ASB3: variants seen among roughly 807,000 people sequenced by gnomAD.
ASB3 encodes the protein ankyrin repeat and SOCS box protein 3.
A neutral mutation model predicts 54.5 loss-of-function variants in ASB3; 41 were observed. That is an observed-to-expected ratio of 0.75 (90% CI 0.59 to 0.98). The LOEUF is 0.98. Among genes scored for constraint, ASB3 ranks in the 50% least tolerant of loss-of-function variants. The pLI, the probability that ASB3 is intolerant of heterozygous loss-of-function variation, is 0.00. For missense variants in ASB3, 733 were observed against 620.0 expected (o/e 1.18, Z -1.94); for synonymous variants, 266 against 221.2 (o/e 1.20, Z -1.80).
intron 2 of ASB3, among the ~76,000 whole-genome samples, chr2:53,755,566 C>T (rs1020297504): frequency 6.6e-6 from 1 of 152,140 alleles, no homozygotes; most frequent in African/African-American, 2.4e-5. Context: ...TATCGCCACA[C>T]CATTTACACA....
Position 53,693,998 on chromosome 2 carries a change from T to G in ASB3, c.1255A>C (p.Ile419Leu). Reference protein sequence around the residue: ...LCNSWIDSVSIDTLIFTLEFT... With the variant: ...LCNSWIDSVSLDTLIFTLEFT... ...TCCAAAGTGAAGATAAGGGTGTCAA[T>G]GCTGACTGAGTCAATCCTATGTTAG... Residue 419 changes from isoleucine to leucine, a missense_variant, in exon 9 of 10, where the codon ATT becomes CTT. Physicochemically the swap from Ile to Leu is conservative, Grantham distance 5. Coordinates refer to ENST00000263634, the MANE Select transcript of ASB3 (RefSeq NM_016115.5). The G allele has an allele frequency of 6.2e-7, 1 of 1,613,384 alleles. No individual in the cohort carries two copies. The highest frequency in any genetic ancestry group is 8.5e-7 in the Non-Finnish European group (1 of 1,179,502).
chr2:53,722,473 G>A (rs1670764192), intron 5 of ASB3, among the ~76,000 whole-genome samples: 3 of 152,254 alleles, frequency 2.0e-5, no homozygotes, highest in East Asian at 1.9e-4. Context: ...AAAAGTTAAT[G>A]CATCATGATC....
At chr2:53,691,585 G>A (rs1341562487) in intron 9 of ASB3, among the ~76,000 whole-genome samples, 5 of 152,108 alleles carry the variant, frequency 3.3e-5, no homozygotes, top group Non-Finnish European at 7.4e-5. Flanking sequence ...GAGCCCATTA[G>A]TATTAAAACC....
intron 3 of ASB3, among the ~76,000 whole-genome samples, chr2:53,737,682 A>G (rs574276368): frequency 6.7e-6 from 1 of 150,084 alleles, no homozygotes; most frequent in Non-Finnish European, 1.5e-5. Context: ...GATGTCTCCA[A>G]GCTTTTGTGT....
At chr2:53,699,602 T>A (rs1231539561) in intron 8 of ASB3, among the ~76,000 whole-genome samples, 2 of 152,232 alleles carry the variant, frequency 1.3e-5, no homozygotes, top group Non-Finnish European at 2.9e-5. Flanking sequence ...TCCTCTATTT[T>A]CCTGAAGACT....
Position 53,670,706 on chromosome 2 carries a change from A to G in ASB3, c.1370-16T>C, listed in dbSNP as rs746327359. On this transcript the variant is annotated splice_polypyrimidine_tract_variant and intron_variant, in intron 9 of 9. Transcript: ENST00000263634. ...GGAACAGTGGCTGGAGAAACAAAAA[A>G]AGCAAGGTGAAACTTTTTTAAACAG... 15 of 1,590,698 alleles carry G rather than the reference A, an allele frequency of 9.4e-6. No individual in the cohort carries two copies. Among genetic ancestry groups the G allele is most frequent in the South Asian group, 8.0e-5 (7 of 87,820 alleles).
At chr2:53,712,156 T>C (rs1408281576) in intron 7 of ASB3, among the ~76,000 whole-genome samples, 1 of 150,452 alleles carries the variant, frequency 6.6e-6, no homozygotes, top group East Asian at 2.0e-4. Flanking sequence ...TTTGCAGTTA[T>C]CCCAGACACA....
intron 2 of ASB3, among the ~76,000 whole-genome samples, chr2:53,758,031 G>C (rs1672932357): frequency 1.3e-5 from 2 of 152,160 alleles, no homozygotes; most frequent in Admixed American, 1.3e-4. Context: ...AGAAAAGAGA[G>C]GGAGAGAGAG....
intron 1 of ASB3, among the ~76,000 whole-genome samples, chr2:53,784,657 T>TC (rs1177491317): frequency 6.6e-6 from 1 of 152,194 alleles, no homozygotes; most frequent in Non-Finnish European, 1.5e-5. Context: ...TGCTGCCTCC[T>TC]CCTTCCTGGC....
At chr2:53,687,955 C>A (rs570495670) in intron 9 of ASB3, among the ~76,000 whole-genome samples, 2 of 152,176 alleles carry the variant, frequency 1.3e-5, no homozygotes, top group African/African-American at 4.8e-5. Context: ...GCAGCTGGGA[C>A]TACAGTCATT....
intron 1 of ASB3, among the ~76,000 whole-genome samples, chr2:53,768,962 G>T (rs1432591862): frequency 6.6e-6 from 1 of 152,214 alleles, no homozygotes; most frequent in Non-Finnish European, 1.5e-5. Flanking sequence ...AGAGACATGG[G>T]ATTAAAATCA....
At chr2:53,692,849 AGAGT>A (rs1362053600) in intron 9 of ASB3, among the ~76,000 whole-genome samples, 3 of 152,206 alleles carry the variant, frequency 2.0e-5, no homozygotes, top group Non-Finnish European at 4.4e-5. Context: ...AGAGTTACAC[AGAGT>A]GAGTTTTCCA....
At chr2:53,739,757 C>A (rs1671831626) in intron 3 of ASB3, among the ~76,000 whole-genome samples, 1 of 152,136 alleles carries the variant, frequency 6.6e-6, no homozygotes. Flanking sequence ...CTCACTGCAG[C>A]CTCAACTTCC....
At chr2:53,775,938 C>T (rs1215527400) in intron 1 of ASB3, among the ~76,000 whole-genome samples, 1 of 152,136 alleles carries the variant, frequency 6.6e-6, no homozygotes, top group Non-Finnish European at 1.5e-5. Context: ...TGCTGCTACT[C>T]AACTAGGAAA....
chr2:53,772,517 G>A (rs1035020032), intron 1 of ASB3, among the ~76,000 whole-genome samples: 2 of 151,544 alleles, frequency 1.3e-5, no homozygotes, highest in Admixed American at 1.3e-4. Flanking sequence ...AGAATTTTGT[G>A]GTCCCCTTTG....
At position 53,783,312 on chromosome 2, in the gene ASB3, A is replaced by G. The variant is rs1227747274; in HGVS notation, c.-14+3509T>C. 2.0e-5 allele frequency among the ~76,000 whole-genome samples: 3 copies of G among 152,352 alleles called. No individual in the cohort carries two copies. In the East Asian group the frequency reaches 5.8e-4, roughly 29 times the overall value. On this transcript the variant is annotated intron_variant, in intron 1 of 9. Coordinates refer to ENST00000263634, the MANE Select transcript of ASB3 (RefSeq NM_016115.5). ...AAGTGAAAAGAACTGAAAATCAAGG[A>G]AATGGACCTCTTGGATTGATCCTTC...
intron 7 of ASB3, among the ~76,000 whole-genome samples, chr2:53,707,910 C>T (rs1185378037): frequency 1.4e-5 from 2 of 144,832 alleles, no homozygotes; most frequent in South Asian, 2.2e-4. Flanking sequence ...TGCAGTGAGC[C>T]GAGATGGTGT....
chr2:53,756,845 C>G (rs1202833210), intron 2 of ASB3: 1 of 152,884 alleles, frequency 6.5e-6, no homozygotes, highest in Non-Finnish European at 1.5e-5. Flanking sequence ...CACTTCTGAT[C>G]CAGCGAGGCG....
chr2:53,746,154 G>C (rs1197230693), intron 3 of ASB3, among the ~76,000 whole-genome samples: 1 of 151,986 alleles, frequency 6.6e-6, no homozygotes, highest in Non-Finnish European at 1.5e-5. Context: ...AAATTAGCTG[G>C]GTGTGGTGGC....
Sources: allele counts gnomAD v4.1 joint callset (sites outside exome capture counted in the v4.1 genomes callset), GRCh38; gene constraint gnomAD v4.1.1; transcripts MANE v1.5; gene names NCBI Gene and HGNC (gene_info 2026-07-23, HGNC 2026-07-21).